The following BRD10 variants were observed in gnomAD, a reference collection of about 807,000 sequenced individuals.
The protein encoded by BRD10 is uncharacterized bromodomain-containing protein 10.
chr9:5,937,147 T>G, the BRD10 span, among the ~76,000 whole-genome samples: 1 of 151,140 alleles, frequency 6.6e-6, no homozygotes, highest in Non-Finnish European at 1.5e-5. Flanking sequence ...GGAGAATCAC[T>G]TCAACCCGGA....
the BRD10 span, chr9:5,929,282 T>C: frequency 1.9e-6 from 1 of 531,102 alleles, no homozygotes; most frequent in Non-Finnish European, 3.3e-6. Context: ...CTTCAGAAGC[T>C]TGCAGAAAGG....
the BRD10 span, among the ~76,000 whole-genome samples, chr9:5,961,760 G>A: frequency 6.6e-6 from 1 of 152,072 alleles, no homozygotes; most frequent in Admixed American, 6.5e-5. Context: ...ACTTAAAAAG[G>A]AGGAAAGAAA....
the BRD10 span, chr9:5,929,049 T>C: frequency 2.6e-6 from 4 of 1,537,338 alleles, no homozygotes; most frequent in Non-Finnish European, 3.6e-6. Flanking sequence ...ATTACCTGTT[T>C]CTTTGGAAAG....
chr9:5,975,256 T>C, the BRD10 span, among the ~76,000 whole-genome samples: 1 of 150,756 alleles, frequency 6.6e-6, no homozygotes, highest in African/African-American at 2.4e-5. Context: ...ACCAACATGG[T>C]GAAACTCTGT....
chr9:5,998,904 A>G, the BRD10 span, among the ~76,000 whole-genome samples: 68 of 152,150 alleles, frequency 4.5e-4, no homozygotes, highest in African/African-American at 1.6e-3. Flanking sequence ...ACTTGTCAGT[A>G]GTCTGTGGAA....
chr9:5,915,989 C>A, the BRD10 span, among the ~76,000 whole-genome samples: 2 of 152,174 alleles, frequency 1.3e-5, no homozygotes, highest in Non-Finnish European at 2.9e-5. Flanking sequence ...CTATATGTTT[C>A]TCACATTCAC....
At chr9:6,006,562 T>C in the BRD10 span, among the ~76,000 whole-genome samples, 3 of 152,222 alleles carry the variant, frequency 2.0e-5, no homozygotes, top group Non-Finnish European at 4.4e-5. Flanking sequence ...CTATGATTTC[T>C]GGTAGAATAA....
the BRD10 span, among the ~76,000 whole-genome samples, chr9:5,965,540 G>C: frequency 1.3e-5 from 2 of 152,138 alleles, no homozygotes; most frequent in African/African-American, 4.8e-5. Context: ...TTTTTCAGTA[G>C]AGATTATATG....
the BRD10 span, among the ~76,000 whole-genome samples, chr9:5,899,903 C>G: frequency 1.3e-5 from 2 of 152,158 alleles, no homozygotes; most frequent in African/African-American, 2.4e-5. Flanking sequence ...TTCAACTTCT[C>G]CAAGATTCAC....
the BRD10 span, among the ~76,000 whole-genome samples, chr9:6,005,111 G>A: frequency 6.6e-6 from 1 of 152,156 alleles, no homozygotes; most frequent in African/African-American, 2.4e-5. Context: ...TAGATCACAT[G>A]GGAATATAAG....
At chr9:5,921,502 A>T in the BRD10 span, 1 of 1,613,958 alleles carries the variant, frequency 6.2e-7, no homozygotes, top group Non-Finnish European at 8.5e-7. Context: ...AAACACCTGT[A>T]GATGTCAGCG....
the BRD10 span, chr9:5,988,557 A>T: frequency 6.2e-7 from 1 of 1,603,776 alleles, no homozygotes; most frequent in Non-Finnish European, 8.5e-7. Flanking sequence ...TTGGAGAAGA[A>T]TAAGTCAATT....
At chr9:5,947,956 T>C in the BRD10 span, among the ~76,000 whole-genome samples, 12 of 152,276 alleles carry the variant, frequency 7.9e-5, no homozygotes, top group Middle Eastern at 3.4e-3. Context: ...CGAAACTCCA[T>C]AGCAGCTCAG....
chr9:5,891,442 A>T, the BRD10 span: 1 of 152,222 alleles, frequency 6.6e-6, no homozygotes, highest in African/African-American at 2.4e-5. Flanking sequence ...TGGGAAGGGC[A>T]AATTACACAT....
chr9:6,007,172 C>A, the BRD10 span: 1 of 1,603,936 alleles, frequency 6.2e-7, no homozygotes, highest in African/African-American at 1.3e-5. Context: ...CTGTCAGTCC[C>A]ACCGGGGACC....
the BRD10 span, among the ~76,000 whole-genome samples, chr9:5,896,478 A>C: frequency 6.6e-5 from 10 of 152,180 alleles, no homozygotes; most frequent in Non-Finnish European, 1.3e-4. Context: ...ATGTCTCCTC[A>C]GCCTTGAGAC....
the BRD10 span, among the ~76,000 whole-genome samples, chr9:5,896,291 A>G: frequency 1.3e-5 from 2 of 152,344 alleles, no homozygotes; most frequent in East Asian, 3.9e-4. Context: ...CCTGGCACAA[A>G]TTGGTGCTCA....
chr9:5,939,583 C>G, the BRD10 span, among the ~76,000 whole-genome samples: 1 of 152,202 alleles, frequency 6.6e-6, no homozygotes. Context: ...AGAATTCTCT[C>G]TATGATGGGA....
At chr9:5,910,076 T>C in the BRD10 span, 1 of 152,214 alleles carries the variant, frequency 6.6e-6, no homozygotes, top group Non-Finnish European at 1.5e-5. Flanking sequence ...CAGAAGGCTA[T>C]GAACCTGAGA....
Sources: allele counts gnomAD v4.1 joint callset (sites outside exome capture counted in the v4.1 genomes callset), GRCh38; gene constraint gnomAD v4.1.1; transcripts MANE v1.5; gene names NCBI Gene and HGNC (gene_info 2026-07-23, HGNC 2026-07-21).